The following ESR1 variants were observed in gnomAD, a reference collection of about 807,000 sequenced individuals.
The protein encoded by ESR1 is estrogen receptor 1.
ESR1 carries 12 observed loss-of-function variants against 52.7 expected under a neutral mutation model. The ratio of observed to expected loss-of-function variants is 0.23; its 90% CI spans 0.15 to 0.37. The LOEUF (loss-of-function observed/expected upper bound fraction) is 0.37. Ranked by LOEUF, ESR1 falls within the 10% of genes least tolerant of loss-of-function variation. The pLI, the probability that ESR1 is intolerant of heterozygous loss-of-function variation, is 1.00. For synonymous variants in ESR1, 305 were observed against 316.8 expected (o/e 0.96, Z 0.39); for missense variants, 584 against 779.7 (o/e 0.75, Z 2.99).
chr6:151,660,777 A>G (rs1159604454), intron 1 of ESR1, among the ~76,000 whole-genome samples: 4 of 152,236 alleles, frequency 2.6e-5, no homozygotes, highest in Non-Finnish European at 5.9e-5. Context: ...GATATCACAT[A>G]TATGTGCACA....
chr6:151,842,189 A>G (rs1784396597), intron 1 of ESR1, among the ~76,000 whole-genome samples: 1 of 152,130 alleles, frequency 6.6e-6, no homozygotes, highest in Admixed American at 6.5e-5. Flanking sequence ...CTGAGTTCCA[A>G]ATGTCCCAGC....
chr6:151,839,205 G>A (rs1783876715), intron 1 of ESR1, among the ~76,000 whole-genome samples: 1 of 152,156 alleles, frequency 6.6e-6, no homozygotes, highest in Admixed American at 6.6e-5. Context: ...CTTCTAGAGA[G>A]TTCAGAACAG....
intron 2 of ESR1, among the ~76,000 whole-genome samples, chr6:151,728,215 T>A (rs1781986293): frequency 6.6e-6 from 1 of 152,178 alleles, no homozygotes; most frequent in African/African-American, 2.4e-5. Context: ...GATGATGTTC[T>A]ATTTACCCAA....
rs1470685247 is a variant in ESR1, at chr6:152,094,684, G to T, written c.1553+116G>T. The stretch of plus-strand genomic sequence containing the variant: ...GCATATGGAGAGTGCACTTGTGACA[G>T]TTCCTGGCATAGAATAAGCATAAAT... On this transcript the variant is annotated intron_variant, in intron 7 of 7. Coordinates refer to ENST00000206249, the MANE Select transcript of ESR1 (RefSeq NM_000125.4). The surrounding 1 kb of genome is among the most constrained non-coding windows in gnomAD (Gnocchi z 4.6). The T allele has an allele frequency of 4.3e-6, 4 of 920,550 alleles. No individual in the cohort carries two copies. The highest frequency in any genetic ancestry group is 2.0e-5 in the Admixed American group (1 of 50,042). The allele number at this position is 920,550 out of a possible 1,614,324, so 57.0% of individuals were successfully genotyped here. A position where few individuals can be genotyped will look rare whatever the true frequency, so the allele number is the denominator to read the frequency against.
chr6:151,915,010 T>C (rs1016763030), intron 3 of ESR1, among the ~76,000 whole-genome samples: 5 of 152,306 alleles, frequency 3.3e-5, no homozygotes, highest in African/African-American at 1.2e-4. Flanking sequence ...GAATATCCCA[T>C]CTGATTAAAT....
At chr6:152,036,858 G>A (rs969499787) in intron 5 of ESR1, among the ~76,000 whole-genome samples, 24 of 152,312 alleles carry the variant, frequency 1.6e-4, no homozygotes, top group Middle Eastern at 6.8e-3. Flanking sequence ...TCCAAGGCAT[G>A]GGGAGGAACC....
At chr6:151,795,332 C>A (rs1776588996) in intron 2 of ESR1, among the ~76,000 whole-genome samples, 1 of 151,776 alleles carries the variant, frequency 6.6e-6, no homozygotes, top group African/African-American at 2.4e-5. Context: ...ACTAAAAATA[C>A]AAAAATTAGC....
chr6:151,834,553 G>A (rs1375394316), intron 1 of ESR1, among the ~76,000 whole-genome samples: 1 of 152,124 alleles, frequency 6.6e-6, no homozygotes, highest in East Asian at 1.9e-4. Context: ...CTATCAGGGG[G>A]TTGGGGGCTA....
chr6:151,892,758 G>C lies in ESR1; in HGVS notation c.760+11987G>C, dbSNP rs145619485. Among the ~76,000 whole-genome samples, 52 of 152,234 alleles carry C rather than the reference G, an allele frequency of 3.4e-4. No individual in the cohort carries two copies. In the East Asian group the frequency reaches 7.5e-3, roughly 22 times the overall value. On this transcript the variant is annotated intron_variant, in intron 3 of 7. Coordinates refer to ENST00000206249, the MANE Select transcript of ESR1 (RefSeq NM_000125.4). Reference sequence around the variant, plus strand: ...GATTAAATATCGCATAGGCTAGTCTGGTTATGTCTGCTTGAAAACTTATCC... The same window carrying C: ...GATTAAATATCGCATAGGCTAGTCTCGTTATGTCTGCTTGAAAACTTATCC...
At position 151,944,225 on chromosome 6, in the gene ESR1, A is replaced by C; in HGVS notation, c.813A>C (p.Arg271Ser). The part of the protein sequence containing the change: ...GGRMLKHKRQ[R>S]DDGEGRGEVG... Reference sequence around the variant, plus strand: ...GAATGTTGAAACACAAGCGCCAGAGAGATGATGGGGAGGGCAGGGGTGAAG... The same window carrying C: ...GAATGTTGAAACACAAGCGCCAGAGCGATGATGGGGAGGGCAGGGGTGAAG... Residue 271 changes from arginine (R) to serine (S), a missense_variant, in exon 4 of 8, where the codon AGA becomes AGC. This residue lies in a region of ESR1 where 88 missense variants were observed against 88.3 expected (regional missense o/e 1.00). Coordinates refer to ENST00000206249, the MANE Select transcript of ESR1 (RefSeq NM_000125.4). 1 of 1,614,066 alleles carries C rather than the reference A, an allele frequency of 6.2e-7. No individual in the cohort carries two copies. Among genetic ancestry groups the C allele is most frequent in the Non-Finnish European group, 8.5e-7 (1 of 1,179,996 alleles).
chr6:152,099,134 A>T lies in ESR1; in HGVS notation c.*168A>T. 1 of 653,504 alleles carries T rather than the reference A, an allele frequency of 1.5e-6. No homozygotes were observed. The highest frequency in any genetic ancestry group is 2.8e-6 in the Non-Finnish European group (1 of 360,256). 40.5% of individuals were successfully genotyped at this position (653,504 alleles called of 1,614,324 possible). A position where few individuals can be genotyped will look rare whatever the true frequency, so the allele number is the denominator to read the frequency against. ...TTGCTTGCTCAGTTCTTAGTGGCACATCTTCTGTCTTCTGTTGGGAACAGC... is the reference window on the plus strand; with the variant it reads ...TTGCTTGCTCAGTTCTTAGTGGCACTTCTTCTGTCTTCTGTTGGGAACAGC... On this transcript the variant is annotated 3_prime_UTR_variant, in exon 8 of 8. Transcript: ENST00000206249.
At chr6:151,990,258 G>A (rs1312463745) in intron 4 of ESR1, among the ~76,000 whole-genome samples, 11 of 152,022 alleles carry the variant, frequency 7.2e-5, no homozygotes, top group African/African-American at 2.7e-4. Flanking sequence ...GTGTGTGTGT[G>A]TGCAGTACAG....
chr6:151,812,571 T>C (rs1236944696), intron 1 of ESR1, among the ~76,000 whole-genome samples: 1 of 152,184 alleles, frequency 6.6e-6, no homozygotes, highest in African/African-American at 2.4e-5. Flanking sequence ...TTTTCTAAAA[T>C]CCGTACTCAG....
intron 2 of ESR1, among the ~76,000 whole-genome samples, chr6:151,774,751 T>C (rs1042333231): frequency 3.3e-5 from 5 of 152,228 alleles, no homozygotes; most frequent in African/African-American, 1.2e-4. Context: ...AGATCTTTAT[T>C]GGTATATCAA....
chr6:151,780,405 G>T (rs1173144747), intron 2 of ESR1, among the ~76,000 whole-genome samples: 1 of 152,064 alleles, frequency 6.6e-6, no homozygotes, highest in Middle Eastern at 3.2e-3. Context: ...TGCTTTGGCA[G>T]TCATCATTCC....
chr6:152,097,218 T>A (rs563029420), intron 7 of ESR1, among the ~76,000 whole-genome samples: 1 of 152,104 alleles, frequency 6.6e-6, no homozygotes, highest in East Asian at 1.9e-4. Context: ...ATATTTTGGT[T>A]CCTCACTAAG....
intron 4 of ESR1, among the ~76,000 whole-genome samples, chr6:151,982,203 AAG>A: frequency 1.3e-5 from 2 of 152,310 alleles, no homozygotes; most frequent in Middle Eastern, 6.8e-3. Flanking sequence ...GCCAGGGAAA[AAG>A]AGGGATGAGA....
At chr6:151,794,408 TAC>T (rs2128135198) in intron 2 of ESR1, among the ~76,000 whole-genome samples, 1 of 152,290 alleles carries the variant, frequency 6.6e-6, no homozygotes, top group South Asian at 2.1e-4. Flanking sequence ...AATTAGACTG[TAC>T]ACACATTTGC....
intron 3 of ESR1, among the ~76,000 whole-genome samples, chr6:151,893,917 A>G (rs774848322): frequency 5.8e-4 from 88 of 152,322 alleles, no homozygotes; most frequent in Non-Finnish European, 1.1e-3. Context: ...TGGTGTTCTC[A>G]TAGATTAGAG....
Sources: gnomAD v4.1 joint callset for allele counts (sites outside exome capture counted in the v4.1 genomes callset) on GRCh38, gnomAD v4.1.1 for gene constraint, gnomAD v4.1.1 regional missense constraint, Gnocchi (gnomAD v3.1) non-coding constraint, MANE v1.5 for transcripts, NCBI Gene and HGNC (gene_info 2026-07-23, HGNC 2026-07-21) for gene names.